TTLL10: variants seen among roughly 807,000 people sequenced by gnomAD.
TTLL10 encodes tubulin tyrosine ligase like 10.
TTLL10 carries 61 observed loss-of-function variants against 69.0 expected under a neutral mutation model. The ratio of observed to expected loss-of-function variants is 0.88; its 90% CI spans 0.72 to 1.09. TTLL10 has a LOEUF of 1.09. Ranked by LOEUF, TTLL10 falls within the 50% of genes least tolerant of loss-of-function variation. The pLI is 0.00. For missense variants in TTLL10, 962 were observed against 945.9 expected, an observed-to-expected ratio of 1.02 and a Z score of -0.22; for synonymous variants, 408 against 393.3, an observed-to-expected ratio of 1.04 and a Z score of -0.44.
intron 13 of TTLL10, among the ~76,000 whole-genome samples, chr1:1,192,095 G>C (rs550184246): frequency 1.3e-5 from 2 of 152,216 alleles, no homozygotes; most frequent in Non-Finnish European, 2.9e-5. Context: ...TTGGGGGGGG[G>C]CCTGCTCCCA....
chr1:1,189,004 GTA>G (rs1647550091), intron 13 of TTLL10, among the ~76,000 whole-genome samples: 1 of 152,148 alleles, frequency 6.6e-6, no homozygotes, highest in South Asian at 2.1e-4. Context: ...TGTTGATCTT[GTA>G]TCCTTCAACT....
At position 1,185,071 on chromosome 1, in the gene TTLL10, C is replaced by T. The variant is rs771656051; in HGVS notation, c.1363C>T (p.Arg455Trp). 2.9e-5 allele frequency: 47 copies of T among 1,613,892 alleles called. No homozygotes were observed. The highest frequency in any genetic ancestry group is 1.3e-4 in the African/African-American group (10 of 74,938). Residue 455 changes from arginine to tryptophan, a missense_variant, in exon 13 of 16, where the codon CGG becomes TGG. Arg to Trp is a moderately radical substitution (Grantham distance 101). Coordinates refer to ENST00000379289, the MANE Select transcript of TTLL10 (RefSeq NM_001130045.2). This position sits in a 1 kb window ranked among gnomAD's most constrained non-coding sequence, Gnocchi z 6.1. ...RYISDTFWKARGLAKDWVFTT... is the reference protein window; with the variant it reads ...RYISDTFWKAWGLAKDWVFTT... The stretch of plus-strand genomic sequence containing the variant: ...CATCAGTGACACGTTCTGGAAGGCC[C>T]GGGGCCTCGCCAAGGACTGGGTCTT...
chr1:1,196,958 G>A, intron 14 of TTLL10, 135 bp from the exon 15 acceptor site: 1 of 915,710 alleles, frequency 1.1e-6, no homozygotes, highest in South Asian at 1.6e-5. Flanking sequence ...GAGCTTCAGT[G>A]GACAAACAGG....
intron 3 of TTLL10, among the ~76,000 whole-genome samples, chr1:1,177,728 C>T (rs1646919878): frequency 6.6e-6 from 1 of 152,234 alleles, no homozygotes; most frequent in South Asian, 2.1e-4. Flanking sequence ...AGCAGGAATC[C>T]TGGGTGCTGA....
In TTLL10 at chr1:1,183,052, G is replaced by C. The variant is rs201484894; in HGVS notation, c.1088+5G>C. 14 of 1,591,368 alleles carry C rather than the reference G, an allele frequency of 8.8e-6. No homozygotes were observed. In the East Asian group the frequency reaches 3.2e-4, roughly 37 times the overall value. On this transcript the variant is annotated splice_donor_5th_base_variant and intron_variant, in intron 11 of 15. Coordinates refer to ENST00000379289, the MANE Select transcript of TTLL10 (RefSeq NM_001130045.2). The stretch of plus-strand genomic sequence containing the variant: ...TCAGGCGCGGGTGGTGCAGAGGTGC[G>C]GCGGCGGGTGCCCGGAGGGGTGAGG...
chr1:1,181,628 C>T lies in TTLL10; in HGVS notation c.756-113C>T, dbSNP rs1181195170. 3 of 988,856 alleles carry T rather than the reference C, an allele frequency of 3.0e-6. No homozygotes were observed. The highest frequency in any genetic ancestry group is 4.5e-6 in the Non-Finnish European group (3 of 665,886). The allele number at this position is 988,856 out of a possible 1,614,324, so 61.3% of individuals were successfully genotyped here. ...CCGTCCACCCAGCCACCTCCTTCCA[C>T]CACAACTCACAGTCCGCCCACTCAC... On this transcript the variant is annotated intron_variant, in intron 8 of 15. Transcript: ENST00000379289. This position sits in a 1 kb window ranked among gnomAD's most constrained non-coding sequence, Gnocchi z 4.6.
chr1:1,197,171 G>A lies in TTLL10; in HGVS notation c.1597G>A (p.Val533Ile), dbSNP rs375362563. The A allele has an allele frequency of 3.9e-6, 6 of 1,550,502 alleles. No individual in the cohort carries two copies. Among genetic ancestry groups the A allele is most frequent in the Non-Finnish European group, 4.4e-6 (5 of 1,146,736 alleles). Reference protein sequence around the residue: ...EVLKEVIPGVVIETLDLVLET... With the variant: ...EVLKEVIPGVIIETLDLVLET... ...CCTGAAGGAGGTCATCCCAGGTGTG[G>A]TCATCGAGACCCTGGGTGAGCCTCC... Residue 533 changes from valine (V) to isoleucine (I), a missense_variant, in exon 15 of 16, where the codon GTC (valine) becomes ATC (isoleucine). By Grantham distance (29) the Val-to-Ile change is conservative. Transcript: ENST00000379289.
intron 13 of TTLL10, among the ~76,000 whole-genome samples, chr1:1,190,431 A>ATT (rs541647229): frequency 2.0e-4 from 28 of 142,282 alleles, no homozygotes; most frequent in East Asian, 1.4e-3. Flanking sequence ...TCTTTTACTA[A>ATT]TTTTTTTTTT....
chr1:1,193,079 C>A (rs1279413251), intron 13 of TTLL10, among the ~76,000 whole-genome samples: 1 of 152,204 alleles, frequency 6.6e-6, no homozygotes. Flanking sequence ...GTAATGCCAG[C>A]CCTTTGGGAG....
intron 13 of TTLL10, among the ~76,000 whole-genome samples, chr1:1,189,994 C>T (rs1487691220): frequency 6.6e-6 from 1 of 152,050 alleles, no homozygotes; most frequent in East Asian, 1.9e-4. Flanking sequence ...CACCTGTAGT[C>T]CCAGCTACTC....
chr1:1,181,758 C>A lies in TTLL10; in HGVS notation c.773C>A (p.Ala258Glu). Reference sequence around the variant, plus strand: ...GGCTGCAGGCTGGAAAAGGACGCAGCAGCGCCCGCCCTGGAGGACCTCCCG... The same window carrying A: ...GGCTGCAGGCTGGAAAAGGACGCAGAAGCGCCCGCCCTGGAGGACCTCCCG... ...GVQARLEKDA[A>E]APALEDLPWT... Residue 258 changes from alanine to glutamate, a missense_variant, in exon 9 of 16, where the codon GCA becomes GAA. Physicochemically the swap from Ala to Glu is moderately radical, Grantham distance 107. Transcript: ENST00000379289. This position sits in a 1 kb window ranked among gnomAD's most constrained non-coding sequence, Gnocchi z 4.6. 1 of 1,606,194 alleles carries A rather than the reference C, an allele frequency of 6.2e-7. No individual in the cohort carries two copies. The highest frequency in any genetic ancestry group is 8.5e-7 in the Non-Finnish European group (1 of 1,177,512).
chr1:1,196,806 C>G, intron 14 of TTLL10, 90 bp downstream of exon 14: 2 of 974,774 alleles, frequency 2.1e-6, no homozygotes, highest in Non-Finnish European at 3.2e-6. Context: ...AGGCCCCAGG[C>G]AGAATCTGCA....
At chr1:1,178,259 C>A (rs1448686564) in intron 3 of TTLL10, among the ~76,000 whole-genome samples, 2 of 152,078 alleles carry the variant, frequency 1.3e-5, no homozygotes, top group African/African-American at 2.4e-5. Flanking sequence ...TCCTTCAAAC[C>A]CTTGAAAGCC....
rs1188293464 is a variant in TTLL10 at position 1,181,525 on chromosome 1, G to T, written c.756-216G>T. On this transcript the variant is annotated intron_variant, in intron 8 of 15. Coordinates refer to ENST00000379289, the MANE Select transcript of TTLL10 (RefSeq NM_001130045.2). This position sits in a 1 kb window ranked among gnomAD's most constrained non-coding sequence, Gnocchi z 4.6. Reference sequence around the variant, plus strand: ...CCATCTGCACCCCCCGCCCCTGGTTGCCTGTGACACCAGCTTTACACCATG... The same window carrying T: ...CCATCTGCACCCCCCGCCCCTGGTTTCCTGTGACACCAGCTTTACACCATG... 6.6e-6 allele frequency among the ~76,000 whole-genome samples: 1 copy of T among 152,084 alleles called. No homozygotes were observed. The highest frequency in any genetic ancestry group is 1.5e-5 in the Non-Finnish European group (1 of 68,012).
chr1:1,197,164 A>G lies in TTLL10; in HGVS notation c.1590A>G (p.Pro530=). The part of the protein sequence containing the change: ...TNCEVLKEVI[P]GVVIETLDLV... ...GCGAGGTCCTGAAGGAGGTCATCCC[A>G]GGTGTGGTCATCGAGACCCTGGGTG... The change falls in exon 15 of 16, where the codon CCA becomes CCG. Residue 530 remains proline, a synonymous_variant. Coordinates refer to ENST00000379289, the MANE Select transcript of TTLL10 (RefSeq NM_001130045.2). 2 of 1,550,500 alleles carry G rather than the reference A, an allele frequency of 1.3e-6. No individual in the cohort carries two copies. Among genetic ancestry groups the G allele is most frequent in the Non-Finnish European group, 1.7e-6 (2 of 1,146,746 alleles).
rs746841354 is a variant in TTLL10 at position 1,180,360 on chromosome 1, G to A, written c.506+20G>A. 7 of 1,546,690 alleles carry A rather than the reference G, an allele frequency of 4.5e-6. No homozygotes were observed. Among genetic ancestry groups the A allele is most frequent in the Admixed American group, 3.9e-5 (2 of 51,372 alleles). On this transcript the variant is annotated intron_variant, in intron 6 of 15. Coordinates refer to ENST00000379289, the MANE Select transcript of TTLL10 (RefSeq NM_001130045.2). ...CACAATGTGAGTAGCGGCCCTGGGC[G>A]CCCGTGGTCCCACTGAATACCCACC... is the stretch of plus-strand genomic sequence containing the variant.
At chr1:1,182,335 C>T (rs1303559185) in intron 9 of TTLL10, 26 bp from the exon 10 acceptor site, 1 of 1,605,360 alleles carries the variant, frequency 6.2e-7, no homozygotes, top group Non-Finnish European at 8.5e-7. Flanking sequence ...GACAGCAGCT[C>T]ATCCTCCTGC....
rs2100886791 is a variant in TTLL10 at position 1,184,201 on chromosome 1, C to T, written c.1260+110C>T. 8 of 1,488,620 alleles carry T rather than the reference C, an allele frequency of 5.4e-6. No homozygotes were observed. In the South Asian group the frequency reaches 8.6e-5, roughly 16 times the overall value. The allele number at this position is 1,488,620 out of a possible 1,614,324, so 92.2% of individuals were successfully genotyped here. A position where few individuals can be genotyped will look rare whatever the true frequency, so the allele number is the denominator to read the frequency against. On this transcript the variant is annotated intron_variant, in intron 12 of 15. Transcript: ENST00000379289. Reference sequence around the variant, plus strand: ...GGTGCAGCTACAGAAGGAGGTGGCCCAGGCCGGGAGGTGTCTCAGGCCTGG... The same window carrying T: ...GGTGCAGCTACAGAAGGAGGTGGCCTAGGCCGGGAGGTGTCTCAGGCCTGG...
Position 1,179,688 on chromosome 1 carries a change from A to G in TTLL10, c.150A>G (p.Ala50=), listed in dbSNP as rs1646982613. The G allele has an allele frequency of 6.4e-7, 1 of 1,550,678 alleles. No homozygotes were observed. The highest frequency in any genetic ancestry group is 1.2e-5 in the South Asian group (1 of 84,056). ...GTIPASRLHP[A]PASQPGPCPA... ...TCCCTGCGTCACGTCTGCACCCAGC[A>G]CCGGCCTCACAGCCCGGCCCCTGCC... Residue 50 remains alanine, a synonymous_variant, in exon 5 of 16, where the codon GCA becomes GCG. Coordinates refer to ENST00000379289, the MANE Select transcript of TTLL10 (RefSeq NM_001130045.2).
Sources: gnomAD v4.1 joint callset for allele counts (sites outside exome capture counted in the v4.1 genomes callset) on GRCh38, gnomAD v4.1.1 for gene constraint, Gnocchi (gnomAD v3.1) non-coding constraint, MANE v1.5 for transcripts, NCBI Gene and HGNC (gene_info 2026-07-23, HGNC 2026-07-21) for gene names.